TRMT44: variants seen among roughly 807,000 people sequenced by gnomAD.
The protein encoded by TRMT44 is tRNA methyltransferase 44 homolog, also known as probable tRNA (uracil-O(2)-)-methyltransferase.
Under a neutral mutation model 77.3 loss-of-function variants are expected in TRMT44, and 78 were observed. The observed-to-expected ratio is 1.01, with a 90% CI of 0.84 to 1.22. The LOEUF (loss-of-function observed/expected upper bound fraction) is 1.22. TRMT44 is among the 50% of genes most tolerant of loss of function. TRMT44 has a pLI of 0.00. For synonymous variants in TRMT44, 391 were observed against 383.3 expected (o/e 1.02, Z -0.23); for missense variants, 1,090 against 964.4 (o/e 1.13, Z -1.73).
Position 8,454,763 on chromosome 4 carries a change from G to T in TRMT44, c.1153G>T (p.Val385Phe), listed in dbSNP as rs756357112. 40 of 1,614,200 alleles carry T rather than the reference G, an allele frequency of 2.5e-5. No homozygotes were observed. Among genetic ancestry groups the T allele is most frequent in the Non-Finnish European group, 2.7e-5 (32 of 1,180,028 alleles). The stretch of plus-strand genomic sequence containing the variant: ...TCAGCATCCAGGCAGAGGGATTGAT[G>T]TCCGAAGAAGAAAAATCTGGGACAT... ...SEGHPGRGID[V>F]RRRKIWDMYG... The change falls in exon 6 of 11, where the codon GTC becomes TTC. Residue 385 changes from valine (V) to phenylalanine (F), a missense_variant. Physicochemically the swap from Val to Phe is conservative, Grantham distance 50 (BLOSUM62 -1). Transcript: ENST00000389737.
chr4:8,488,466 A>G lies in TRMT44; in HGVS notation n.3892-4800A>G, dbSNP rs114513756. The stretch of plus-strand genomic sequence containing the variant: ...CTGGTGGACAGGAGTGGGGGTCGCA[A>G]GGTGCTCCGTGGGGAAGCTTTTTGC... On this transcript the variant is annotated intron_variant and non_coding_transcript_variant, in intron 2 of 2. Coordinates refer to the TRMT44 transcript ENST00000511366. Among the ~76,000 whole-genome samples, 280 of 152,358 alleles carry G rather than the reference A, an allele frequency of 1.8e-3. 2 individuals carry two copies. Among genetic ancestry groups the G allele is most frequent in the African/African-American group, 6.5e-3 (271 of 41,594 alleles).
chr4:8,444,589 G>A lies in TRMT44; in HGVS notation c.620-1887G>A, dbSNP rs371816620. Among the ~76,000 whole-genome samples, 13 of 152,296 alleles carry A rather than the reference G, an allele frequency of 8.5e-5. No individual in the cohort carries two copies. The highest frequency in any genetic ancestry group is 3.9e-4 in the East Asian group (2 of 5,174). ...ATTTTTGTATTTTTCGTAGAGATGG[G>A]GTTTCACCATGTTGGCCAGACTGGT... On this transcript the variant is annotated intron_variant, in intron 1 of 10. Coordinates refer to ENST00000389737, the MANE Select transcript of TRMT44 (RefSeq NM_152544.3). This position sits in a 1 kb window ranked among gnomAD's most constrained non-coding sequence, Gnocchi z 4.0.
At chr4:8,516,398 A>G in the TRMT44 span, among the ~76,000 whole-genome samples, 2 of 152,176 alleles carry the variant, frequency 1.3e-5, no homozygotes, top group African/African-American at 4.8e-5. Flanking sequence ...GGTCCCAGAT[A>G]CTGATGACTC....
At position 8,476,350 on chromosome 4, in the gene TRMT44, G is replaced by A. The variant is rs982369797; in HGVS notation, c.*349G>A. The A allele has an allele frequency of 3.6e-5, 11 of 308,606 alleles. No homozygotes were observed. Among genetic ancestry groups the A allele is most frequent in the Non-Finnish European group, 6.7e-5 (11 of 164,676 alleles). The allele number at this position is 308,606 out of a possible 1,614,324, so 19.1% of individuals were successfully genotyped here. ...GGCCCTTCCCAGGGCGCTGTCCGAC[G>A]CCTGCCCCACCATGTCCACATCTGT... On this transcript the variant is annotated 3_prime_UTR_variant, in exon 11 of 11. Coordinates refer to ENST00000389737, the MANE Select transcript of TRMT44 (RefSeq NM_152544.3).
chr4:8,455,474 C>T (rs116541367), intron 6 of TRMT44, among the ~76,000 whole-genome samples: 5,358 of 152,310 alleles, frequency 0.035, 122 homozygotes, highest in Middle Eastern at 0.082. Flanking sequence ...TAATTTCTCT[C>T]ATATCTTTGG....
rs1445413558 is a variant in TRMT44, at chr4:8,446,652, C to G, written c.734+62C>G. On this transcript the variant is annotated intron_variant, in intron 2 of 10. Coordinates refer to ENST00000389737, the MANE Select transcript of TRMT44 (RefSeq NM_152544.3). This position sits in a 1 kb window ranked among gnomAD's most constrained non-coding sequence, Gnocchi z 4.3. ...TCCATTGAGGATTTCTTTAGGTAGC[C>G]AAAGGATTCTGGGTTGCCAGGGCTT... 4 of 1,244,966 alleles carry G rather than the reference C, an allele frequency of 3.2e-6. No homozygotes were observed. The East Asian group carries it at 7.7e-5, about 24-fold the overall frequency. 77.1% of individuals were successfully genotyped at this position (1,244,966 alleles called of 1,614,324 possible). A position where few individuals can be genotyped will look rare whatever the true frequency, so the allele number is the denominator to read the frequency against.
At position 8,476,027 on chromosome 4, in the gene TRMT44, G is replaced by C. The variant is rs1362774197; in HGVS notation, c.*26G>C. 1 of 1,606,416 alleles carries C rather than the reference G, an allele frequency of 6.2e-7. No individual in the cohort carries two copies. The highest frequency in any genetic ancestry group is 1.3e-5 in the African/African-American group (1 of 74,828). On this transcript the variant is annotated 3_prime_UTR_variant, in exon 11 of 11. Transcript: ENST00000389737. ...GCTGCATCCTTGCCAGCCGAGGCCT[G>C]GTTGGGGAGGCCAAACCAAGGAGAG...
intron 6 of TRMT44, among the ~76,000 whole-genome samples, chr4:8,462,333 C>T (rs1462919615): frequency 3.3e-5 from 5 of 152,000 alleles, no homozygotes; most frequent in South Asian, 2.1e-4. Flanking sequence ...ATCTCTTGAA[C>T]CAGGGAGGCT....
rs541154879 is a variant in TRMT44, at chr4:8,476,316, C to T, written c.*315C>T. 19 of 392,164 alleles carry T rather than the reference C, an allele frequency of 4.8e-5. 1 individual carries two copies. Among genetic ancestry groups the T allele is most frequent in the African/African-American group, 3.0e-4 (15 of 49,300 alleles). 24.3% of individuals were successfully genotyped at this position (392,164 alleles called of 1,614,324 possible). A position where few individuals can be genotyped will look rare whatever the true frequency, so the allele number is the denominator to read the frequency against. On this transcript the variant is annotated 3_prime_UTR_variant, in exon 11 of 11. Transcript: ENST00000389737. ...TCCTGGGGGAGAGCGGCTGAGGCTGCCTTGCACAGGCCCTTCCCAGGGCGC... is the reference window on the plus strand; with the variant it reads ...TCCTGGGGGAGAGCGGCTGAGGCTGTCTTGCACAGGCCCTTCCCAGGGCGC...
chr4:8,475,087 C>A (rs536539285), intron 10 of TRMT44, among the ~76,000 whole-genome samples: 2 of 152,206 alleles, frequency 1.3e-5, no homozygotes, highest in African/African-American at 2.4e-5. Flanking sequence ...TCCACACTTG[C>A]ACCTGGAGGG....
rs1466858490 is a variant in TRMT44, at chr4:8,449,866, A to G, written c.932A>G (p.Glu311Gly). 1 of 1,530,796 alleles carries G rather than the reference A, an allele frequency of 6.5e-7. No individual in the cohort carries two copies. The highest frequency in any genetic ancestry group is 2.5e-5 in the East Asian group (1 of 40,702). 94.8% of individuals were successfully genotyped at this position (1,530,796 alleles called of 1,614,324 possible). A position where few individuals can be genotyped will look rare whatever the true frequency, so the allele number is the denominator to read the frequency against. The change falls in exon 3 of 11, where the codon GAG (glutamate) becomes GGG (glycine). Residue 311 changes from glutamate (E) to glycine (G), a missense_variant. Coordinates refer to ENST00000389737, the MANE Select transcript of TRMT44 (RefSeq NM_152544.3). ...KYSKAYQELK[E>G]KYKEMVKVWP... is the part of the protein sequence containing the mutation. ...AGCAAGGCTTACCAGGAACTTAAAG[A>G]GAAGTATAAGGAAATGGTTAAGGTA... is the stretch of plus-strand genomic sequence containing the variant.
At chr4:8,497,524 A>T (rs1030539286), downstream of TRMT44, among the ~76,000 whole-genome samples, 3 of 152,236 alleles carry the variant, frequency 2.0e-5, no homozygotes, top group African/African-American at 7.2e-5. Flanking sequence ...AGGCGCCTGT[A>T]GTCCCAGCTA....
the TRMT44 span, among the ~76,000 whole-genome samples, chr4:8,516,112 G>A: frequency 2.0e-5 from 3 of 152,082 alleles, no homozygotes; most frequent in Admixed American, 6.5e-5. Context: ...AGAATAGAGG[G>A]GGGAAAACAA....
At chr4:8,504,494 GA>G in the TRMT44 span, among the ~76,000 whole-genome samples, 3 of 152,110 alleles carry the variant, frequency 2.0e-5, no homozygotes, top group Non-Finnish European at 4.4e-5. The surrounding 1 kb of genome is among the most constrained non-coding windows in gnomAD (Gnocchi z 5.3). Context: ...GCTCCATGCT[GA>G]CCCCCAGCGT....
Position 8,475,757 on chromosome 4 carries a change from TG to T in TRMT44, c.2045-14del. The T allele has an allele frequency of 6.2e-7, 1 of 1,613,352 alleles. No individual in the cohort carries two copies. The highest frequency in any genetic ancestry group is 1.1e-5 in the South Asian group (1 of 91,068). The stretch of plus-strand genomic sequence containing the variant: ...GGTTTACTTCTCAGTGTGTCTTCTC[TG>T]TTCCAAACCACAGTTGTGAATGGGA... On this transcript the variant is annotated splice_polypyrimidine_tract_variant and intron_variant, in intron 10 of 10. Coordinates refer to ENST00000389737, the MANE Select transcript of TRMT44 (RefSeq NM_152544.3).
chr4:8,463,748 G>C (rs1338643579), intron 6 of TRMT44, among the ~76,000 whole-genome samples: 1 of 152,230 alleles, frequency 6.6e-6, no homozygotes, highest in Non-Finnish European at 1.5e-5. Context: ...ACTCAGAAAA[G>C]TGCTGTTAGT....
the TRMT44 span, among the ~76,000 whole-genome samples, chr4:8,511,392 C>G: frequency 6.6e-6 from 1 of 152,144 alleles, no homozygotes; most frequent in Non-Finnish European, 1.5e-5. Flanking sequence ...CCCCCCTCCC[C>G]CACAAAATGC....
intron 2 of TRMT44, among the ~76,000 whole-genome samples, chr4:8,447,093 A>G (rs111231873): frequency 6.6e-6 from 1 of 152,078 alleles, no homozygotes; most frequent in Non-Finnish European, 1.5e-5. Flanking sequence ...CCAGGCTGGT[A>G]TCAAACTCCT....
At chr4:8,504,389 G>A in the TRMT44 span, among the ~76,000 whole-genome samples, 17 of 152,116 alleles carry the variant, frequency 1.1e-4, no homozygotes, top group Non-Finnish European at 2.4e-4. The surrounding 1 kb of genome is among the most constrained non-coding windows in gnomAD (Gnocchi z 5.3). Flanking sequence ...TTCCTCCCGG[G>A]CCTGCGCTGC....
Sources: allele counts gnomAD v4.1 joint callset (sites outside exome capture counted in the v4.1 genomes callset), GRCh38; gene constraint gnomAD v4.1.1; non-coding constraint Gnocchi (gnomAD v3.1); transcripts MANE v1.5; gene names NCBI Gene and HGNC (gene_info 2026-07-23, HGNC 2026-07-21).